Variants in BRIP1 observed in about 807,000 individuals in gnomAD.
The protein encoded by BRIP1 is Fanconi anemia group J protein.
A neutral mutation model predicts 119.7 loss-of-function variants in BRIP1; 88 were observed. That is an observed-to-expected ratio of 0.74 (90% confidence interval 0.62 to 0.88). The LOEUF (loss-of-function observed/expected upper bound fraction) is 0.88. BRIP1 is among the 40% of genes least tolerant of loss of function. BRIP1 has a pLI of 0.00. For missense variants in BRIP1, 1,259 were observed against 1,455.4 expected (o/e 0.87, Z 2.20); for synonymous variants, 443 against 496.5 (o/e 0.89, Z 1.43).
chr17:61,804,744 CTAA>C lies in BRIP1; in HGVS notation c.919-3273_919-3271del, dbSNP rs1328736977. 6.6e-6 allele frequency among the ~76,000 whole-genome samples: 1 copy of C among 151,306 alleles called. No homozygotes were observed. Among genetic ancestry groups the C allele is most frequent in the African/African-American group, 2.4e-5 (1 of 41,216 alleles). ...ATATATATATTCAAAATATTTTTGT[CTAA>C]TAATTATTAAAATTATAAAATATAA... On this transcript the variant is annotated intron_variant, in intron 7 of 19. Transcript: ENST00000259008. This position sits in a 1 kb window ranked among gnomAD's most constrained non-coding sequence, Gnocchi z 4.5.
In BRIP1 at chr17:61,762,205, G is replaced by T. The variant is rs2077287054; in HGVS notation, c.2097+14196C>A. 6.6e-6 allele frequency among the ~76,000 whole-genome samples: 1 copy of T among 151,802 alleles called. No individual in the cohort carries two copies. The highest frequency in any genetic ancestry group is 1.5e-5 in the Non-Finnish European group (1 of 67,908). Reference sequence around the variant, plus strand: ...GAAAATTAGATATCCACATGCAGAAGAATGAAAATGGACCCTTATCTCACA... The same window carrying T: ...GAAAATTAGATATCCACATGCAGAATAATGAAAATGGACCCTTATCTCACA... On this transcript the variant is annotated intron_variant, in intron 14 of 19. Transcript: ENST00000259008. This position sits in a 1 kb window ranked among gnomAD's most constrained non-coding sequence, Gnocchi z 4.3.
Position 61,770,319 on chromosome 17 carries a change from A to G in BRIP1, c.2097+6082T>C, listed in dbSNP as rs895732533. ...GTATAACAGCAGAGGATTACAACAGAGAGAGACAGCTGCAAGGCTCAGATT... is the reference window on the plus strand; with the variant it reads ...GTATAACAGCAGAGGATTACAACAGGGAGAGACAGCTGCAAGGCTCAGATT... On this transcript the variant is annotated intron_variant, in intron 14 of 19. Transcript: ENST00000259008. This position sits in a 1 kb window ranked among gnomAD's most constrained non-coding sequence, Gnocchi z 4.7. 3.3e-5 allele frequency among the ~76,000 whole-genome samples: 5 copies of G among 152,222 alleles called. No homozygotes were observed. The highest frequency in any genetic ancestry group is 1.2e-4 in the African/African-American group (5 of 41,458).
In BRIP1 at chr17:61,742,862, A is replaced by G; in HGVS notation, c.2379+151T>C. On this transcript the variant is annotated intron_variant, in intron 16 of 19. Transcript: ENST00000259008. The surrounding 1 kb of genome is among the most constrained non-coding windows in gnomAD (Gnocchi z 4.7). ...ATGCTGTTGGAAAAATGGTGCTGAA[A>G]GACTTGCACAATGCAGGGTTACCAT... is the stretch of plus-strand genomic sequence containing the variant. 1 of 945,550 alleles carries G rather than the reference A, an allele frequency of 1.1e-6. No homozygotes were observed. Among genetic ancestry groups the G allele is most frequent in the East Asian group, 2.7e-5 (1 of 37,496 alleles). The allele number at this position is 945,550 out of a possible 1,614,324, so 58.6% of individuals were successfully genotyped here.
Position 61,807,462 on chromosome 17 carries a change from T to C in BRIP1, c.918+1005A>G, listed in dbSNP as rs1264339075. ...CTTATACTTTATAATCTCGTTTGAA[T>C]ATCTGTTAAAGTATCTTTTGACCAT... is the stretch of plus-strand genomic sequence containing the variant. On this transcript the variant is annotated intron_variant, in intron 7 of 19. Transcript: ENST00000259008. The surrounding 1 kb of genome is among the most constrained non-coding windows in gnomAD (Gnocchi z 4.5). Among the ~76,000 whole-genome samples the C allele has an allele frequency of 6.6e-6, 1 of 152,210 alleles. No homozygotes were observed. The highest frequency in any genetic ancestry group is 2.4e-5 in the African/African-American group (1 of 41,458).
At chr17:61,771,805 C>T (rs1252438678) in intron 14 of BRIP1, among the ~76,000 whole-genome samples, 1 of 151,838 alleles carries the variant, frequency 6.6e-6, no homozygotes, top group Non-Finnish European at 1.5e-5. Context: ...ACTAAAAATA[C>T]ACAAAAATTA....
At chr17:61,819,706 A>G (rs751675673) in intron 6 of BRIP1, among the ~76,000 whole-genome samples, 2 of 152,142 alleles carry the variant, frequency 1.3e-5, no homozygotes, top group Non-Finnish European at 2.9e-5. Flanking sequence ...GAGAGAGAGT[A>G]GAAGGGTGGT....
In BRIP1 at chr17:61,760,915, A is replaced by G. The variant is rs1406107498; in HGVS notation, c.2097+15486T>C. 1.3e-5 allele frequency among the ~76,000 whole-genome samples: 2 copies of G among 152,072 alleles called. No individual in the cohort carries two copies. Among genetic ancestry groups the G allele is most frequent in the Admixed American group, 6.6e-5 (1 of 15,250 alleles). On this transcript the variant is annotated intron_variant, in intron 14 of 19. Coordinates refer to ENST00000259008, the MANE Select transcript of BRIP1 (RefSeq NM_032043.3). This position sits in a 1 kb window ranked among gnomAD's most constrained non-coding sequence, Gnocchi z 4.6. ...AAATTCTTTTTACATGACCAGCATT[A>G]TCACCCTGATACCAAGGCCAGATAA...
rs72843731 is a variant in BRIP1, at chr17:61,843,515, G to T, written c.627+3586C>A. On this transcript the variant is annotated intron_variant, in intron 6 of 19. Coordinates refer to ENST00000259008, the MANE Select transcript of BRIP1 (RefSeq NM_032043.3). This position sits in a 1 kb window ranked among gnomAD's most constrained non-coding sequence, Gnocchi z 5.7. The stretch of plus-strand genomic sequence containing the variant: ...TTGGAGGTGGGGCCTAGTGTAAAGT[G>T]CTTGGGTCATCAATGGCTGGTGCCC... Among the ~76,000 whole-genome samples the T allele has an allele frequency of 0.17, 25,972 of 152,102 alleles. 2,840 individuals are homozygous for T. Among genetic ancestry groups the T allele is most frequent in the Admixed American group, 0.29 (4,504 of 15,286 alleles).
At chr17:61,800,582 C>T (rs935714808) in intron 8 of BRIP1, among the ~76,000 whole-genome samples, 2 of 151,954 alleles carry the variant, frequency 1.3e-5, no homozygotes, top group African/African-American at 4.8e-5. Flanking sequence ...GATTTTTAGG[C>T]AGATAAAAGG....
intron 4 of BRIP1, among the ~76,000 whole-genome samples, chr17:61,855,404 C>T (rs1336411079): frequency 6.6e-6 from 1 of 151,920 alleles, no homozygotes; most frequent in Non-Finnish European, 1.5e-5. Context: ...ATGGTAAAAT[C>T]CTGTCCCTAC....
rs1256398208 is a variant in BRIP1 at position 61,754,202 on chromosome 17, T to A, written c.2098-9611A>T. ...TAGAACAAAATCTAAATTCTTACTG[T>A]GGTGTGATTTTACCCAGCTATTTCT... On this transcript the variant is annotated intron_variant, in intron 14 of 19. Transcript: ENST00000259008. This position sits in a 1 kb window ranked among gnomAD's most constrained non-coding sequence, Gnocchi z 4.1. Among the ~76,000 whole-genome samples the A allele has an allele frequency of 1.3e-5, 2 of 152,180 alleles. No individual in the cohort carries two copies. Among genetic ancestry groups the A allele is most frequent in the African/African-American group, 4.8e-5 (2 of 41,446 alleles).
intron 4 of BRIP1, among the ~76,000 whole-genome samples, chr17:61,855,958 G>A (rs2078890796): frequency 1.3e-5 from 2 of 152,106 alleles, no homozygotes; most frequent in Non-Finnish European, 2.9e-5. Context: ...AATCTACTCT[G>A]ACAGAAAAAT....
rs1210945775 is a variant in BRIP1 at position 61,823,077 on chromosome 17, T to C, written c.628-14320A>G. On this transcript the variant is annotated intron_variant, in intron 6 of 19. Transcript: ENST00000259008. This position sits in a 1 kb window ranked among gnomAD's most constrained non-coding sequence, Gnocchi z 4.8. ...CACTAAACCTCAAAAGCATCTTTCT[T>C]TAAAAGATTCATACATGTTTCCAAT... 6.6e-6 allele frequency among the ~76,000 whole-genome samples: 1 copy of C among 152,230 alleles called. No individual in the cohort carries two copies. The highest frequency in any genetic ancestry group is 1.5e-5 in the Non-Finnish European group (1 of 68,042).
Position 61,744,333 on chromosome 17 carries a change from T to C in BRIP1, c.2257+99A>G. ...TTCACTCAGGATTATAATTTTTCTC[T>C]TAAGTGTAATTCATCTAAAAATATA... On this transcript the variant is annotated intron_variant, in intron 15 of 19. Transcript: ENST00000259008. This position sits in a 1 kb window ranked among gnomAD's most constrained non-coding sequence, Gnocchi z 5.0. The C allele has an allele frequency of 7.7e-7, 1 of 1,306,060 alleles. No homozygotes were observed. Among genetic ancestry groups the C allele is most frequent in the Non-Finnish European group, 1.1e-6 (1 of 931,580 alleles). The allele number at this position is 1,306,060 out of a possible 1,614,324, so 80.9% of individuals were successfully genotyped here.
intron 10 of BRIP1, among the ~76,000 whole-genome samples, chr17:61,785,318 T>C (rs772743579): frequency 2.0e-5 from 3 of 152,184 alleles, no homozygotes; most frequent in Non-Finnish European, 4.4e-5. Context: ...TAAGTTTTAA[T>C]ATGGATGAAA....
Position 61,762,936 on chromosome 17 carries a change from T to C in BRIP1, c.2097+13465A>G, listed in dbSNP as rs570699617. On this transcript the variant is annotated intron_variant, in intron 14 of 19. Coordinates refer to ENST00000259008, the MANE Select transcript of BRIP1 (RefSeq NM_032043.3). The surrounding 1 kb of genome is among the most constrained non-coding windows in gnomAD (Gnocchi z 4.3). Reference sequence around the variant, plus strand: ...AATATCTACACTCCCTCGTTCACTGTAGCATTGTTCATTTGGCTGGAATTG... The same window carrying C: ...AATATCTACACTCCCTCGTTCACTGCAGCATTGTTCATTTGGCTGGAATTG... Among the ~76,000 whole-genome samples the C allele has an allele frequency of 5.9e-5, 9 of 152,298 alleles. No homozygotes were observed. In the East Asian group the frequency reaches 1.7e-3, roughly 29 times the overall value.
rs867488720 is a variant in BRIP1 at position 61,818,952 on chromosome 17, G to A, written c.628-10195C>T. ...TGTAATCCCAGCACTTTGGGAGGCCGAGGGGGGCAGATCACCTGAGGTCAG... is the reference window on the plus strand; with the variant it reads ...TGTAATCCCAGCACTTTGGGAGGCCAAGGGGGGCAGATCACCTGAGGTCAG... On this transcript the variant is annotated intron_variant, in intron 6 of 19. Coordinates refer to ENST00000259008, the MANE Select transcript of BRIP1 (RefSeq NM_032043.3). Among the ~76,000 whole-genome samples the A allele has an allele frequency of 3.0e-4, 45 of 152,114 alleles. No homozygotes were observed. The South Asian group carries it at 4.2e-3, about 14-fold the overall frequency.
At chr17:61,821,511 T>C (rs747668683) in intron 6 of BRIP1, among the ~76,000 whole-genome samples, 2 of 149,686 alleles carry the variant, frequency 1.3e-5, no homozygotes, top group African/African-American at 2.5e-5. Context: ...TTTTCTTGTA[T>C]TTTTTACCTT....
chr17:61,780,757 T>A lies in BRIP1; in HGVS notation c.1794+83A>T, dbSNP rs2145087488. On this transcript the variant is annotated intron_variant, in intron 12 of 19. Coordinates refer to ENST00000259008, the MANE Select transcript of BRIP1 (RefSeq NM_032043.3). The surrounding 1 kb of genome is among the most constrained non-coding windows in gnomAD (Gnocchi z 5.4). Reference sequence around the variant, plus strand: ...AACAACAACAACAACAACAAACAACTATCTTTAAAAGAGTCAACCACATTT... The same window carrying A: ...AACAACAACAACAACAACAAACAACAATCTTTAAAAGAGTCAACCACATTT... 1 of 1,467,356 alleles carries A rather than the reference T, an allele frequency of 6.8e-7. No individual in the cohort carries two copies. The highest frequency in any genetic ancestry group is 9.5e-7 in the Non-Finnish European group (1 of 1,048,606). 90.9% of individuals were successfully genotyped at this position (1,467,356 alleles called of 1,614,324 possible). A position where few individuals can be genotyped will look rare whatever the true frequency, so the allele number is the denominator to read the frequency against.
Sources: gnomAD v4.1 joint callset for allele counts (sites outside exome capture counted in the v4.1 genomes callset) on GRCh38, gnomAD v4.1.1 for gene constraint, Gnocchi (gnomAD v3.1) non-coding constraint, MANE v1.5 for transcripts, NCBI Gene and HGNC (gene_info 2026-07-23, HGNC 2026-07-21) for gene names.